MED13L: variants seen among roughly 807,000 people sequenced by gnomAD.
The protein encoded by MED13L is mediator complex subunit 13L, also known as mediator of RNA polymerase II transcription subunit 13-like.
In MED13L, 7 loss-of-function variants were observed where a neutral mutation model predicts 220.9. The observed-to-expected ratio is 0.03, with a 90% CI of 0.02 to 0.06. The LOEUF is 0.06. MED13L is among the 10% of genes least tolerant of loss of function. The pLI, the probability that MED13L is intolerant of heterozygous loss-of-function variation, is 1.00. For synonymous variants in MED13L, 1,011 were observed against 1,015.2 expected, an observed-to-expected ratio of 1.00 and a Z score of 0.08; for missense variants, 1,965 against 2,760.5, an observed-to-expected ratio of 0.71 and a Z score of 6.46.
intron 2 of MED13L, among the ~76,000 whole-genome samples, chr12:116,164,186 C>T (rs571047907): frequency 6.6e-6 from 1 of 152,310 alleles, no homozygotes; most frequent in Admixed American, 6.5e-5. Context: ...CCCATCAGCA[C>T]TATGCACCAA....
At chr12:116,206,584 C>T (rs1201660365) in intron 2 of MED13L, among the ~76,000 whole-genome samples, 1 of 151,886 alleles carries the variant, frequency 6.6e-6, no homozygotes, top group Non-Finnish European at 1.5e-5. Flanking sequence ...ACAAAATTAG[C>T]AAGCCAAAGG....
chr12:116,132,521 A>G (rs1876159380), intron 2 of MED13L, among the ~76,000 whole-genome samples: 1 of 152,086 alleles, frequency 6.6e-6, no homozygotes, highest in Non-Finnish European at 1.5e-5. Flanking sequence ...CAAACTAAGT[A>G]TGCTATTTCC....
intron 2 of MED13L, among the ~76,000 whole-genome samples, chr12:116,188,833 T>C (rs1445768912): frequency 1.3e-5 from 2 of 152,176 alleles, no homozygotes; most frequent in Non-Finnish European, 2.9e-5. Flanking sequence ...TATATAACCT[T>C]TGAGATTTTA....
chr12:116,146,543 T>C (rs957049654), intron 2 of MED13L, among the ~76,000 whole-genome samples: 4 of 152,020 alleles, frequency 2.6e-5, no homozygotes, highest in African/African-American at 9.7e-5. Flanking sequence ...AACCGAAAGA[T>C]TGGACACCCT....
chr12:116,005,729 A>G, intron 13 of MED13L, 140 bp downstream of exon 13: 1 of 1,119,598 alleles, frequency 8.9e-7, no homozygotes, highest in Non-Finnish European at 1.3e-6. Context: ...TCCAGTATAC[A>G]GACATTTATA....
In MED13L at chr12:116,226,852, G is replaced by C. The variant is rs558912013; in HGVS notation, c.310+10616C>G. ...CCACCATACTCCAGCCTGGGCAACA[G>C]AGTGAGACTCCATCTCAAAAAAAAA... On this transcript the variant is annotated intron_variant, in intron 2 of 30. Transcript: ENST00000281928. Among the ~76,000 whole-genome samples the C allele has an allele frequency of 2.0e-3, 281 of 143,104 alleles. 1 individual carries two copies. The highest frequency in any genetic ancestry group is 2.8e-3 in the Non-Finnish European group (184 of 66,312). The allele number at this position is 143,104 out of a possible 152,430, so 93.9% of individuals were successfully genotyped here. A position where few individuals can be genotyped will look rare whatever the true frequency, so the allele number is the denominator to read the frequency against.
chr12:116,119,066 G>A (rs1874780756), intron 2 of MED13L, among the ~76,000 whole-genome samples: 1 of 152,084 alleles, frequency 6.6e-6, no homozygotes, highest in South Asian at 2.1e-4. Flanking sequence ...GAGACATCTG[G>A]CACACTTCTG....
chr12:116,015,096 C>G lies in MED13L; in HGVS notation c.1175+13G>C, dbSNP rs767712157. On this transcript the variant is annotated intron_variant, in intron 8 of 30. Transcript: ENST00000281928. ...TACTAAACTATGATCTAGACATAAT[C>G]GAGAAAACTTACTTGGACTGGGTTC... The G allele has an allele frequency of 6.2e-7, 1 of 1,609,068 alleles. No individual in the cohort carries two copies.
rs916266325 is a variant in MED13L, at chr12:115,959,960, C to T, written c.*1306G>A. ...GTGGCTCCCGGGAGGCCAGTACACA[C>T]CCACTGTCCTCAGACAGAAACACAC... is the stretch of plus-strand genomic sequence containing the variant. On this transcript the variant is annotated 3_prime_UTR_variant, in exon 31 of 31. Transcript: ENST00000281928. 2 of 152,544 alleles carry T rather than the reference C, an allele frequency of 1.3e-5. No individual in the cohort carries two copies. The highest frequency in any genetic ancestry group is 4.8e-5 in the African/African-American group (2 of 41,412). 9.4% of individuals were successfully genotyped at this position (152,544 alleles called of 1,614,324 possible). A position where few individuals can be genotyped will look rare whatever the true frequency, so the allele number is the denominator to read the frequency against.
intron 4 of MED13L, among the ~76,000 whole-genome samples, chr12:116,085,798 G>C (rs2137761966): frequency 6.8e-6 from 1 of 148,034 alleles, no homozygotes; most frequent in East Asian, 2.0e-4. Context: ...ACGACATTAA[G>C]AACAGCAGAA....
At chr12:116,083,286 C>T (rs915441691) in intron 4 of MED13L, among the ~76,000 whole-genome samples, 1 of 151,676 alleles carries the variant, frequency 6.6e-6, no homozygotes, top group African/African-American at 2.4e-5. Flanking sequence ...TGCCTATAAT[C>T]CCAGCTACTC....
At chr12:116,018,836 T>C (rs1476484710) in intron 7 of MED13L, among the ~76,000 whole-genome samples, 2 of 151,044 alleles carry the variant, frequency 1.3e-5, no homozygotes, top group Non-Finnish European at 2.9e-5. Flanking sequence ...TGGCTGACAA[T>C]GGTCACCGGG....
intron 4 of MED13L, among the ~76,000 whole-genome samples, chr12:116,043,125 T>A (rs866366524): frequency 6.6e-6 from 1 of 152,348 alleles, no homozygotes; most frequent in African/African-American, 2.4e-5. Flanking sequence ...GAAGAAGAAC[T>A]GTACCACCTT....
intron 1 of MED13L, among the ~76,000 whole-genome samples, chr12:116,272,883 A>G (rs1873497961): frequency 6.6e-6 from 1 of 152,264 alleles, no homozygotes; most frequent in Non-Finnish European, 1.5e-5. Flanking sequence ...ATTGGAGGTT[A>G]ATATGGCAAC....
chr12:116,183,517 A>G (rs1486532479), intron 2 of MED13L, among the ~76,000 whole-genome samples: 1 of 152,192 alleles, frequency 6.6e-6, no homozygotes, highest in East Asian at 1.9e-4. Flanking sequence ...AAATTTCTGA[A>G]TATCTCCTTA....
chr12:116,275,219 C>T (rs1873712255), intron 1 of MED13L, among the ~76,000 whole-genome samples: 1 of 151,986 alleles, frequency 6.6e-6, no homozygotes, highest in Non-Finnish European at 1.5e-5. Context: ...AATATGTTTG[C>T]TAATCTATGG....
chr12:116,272,311 C>T (rs1479818196), intron 1 of MED13L, among the ~76,000 whole-genome samples: 1 of 152,122 alleles, frequency 6.6e-6, no homozygotes, highest in Non-Finnish European at 1.5e-5. Context: ...GCCTGTAATC[C>T]CAGCACTTTG....
intron 4 of MED13L, among the ~76,000 whole-genome samples, chr12:116,090,521 A>G (rs1166750526): frequency 5.3e-5 from 8 of 152,226 alleles, no homozygotes; most frequent in Admixed American, 5.2e-4. Flanking sequence ...AAAAAAGAAT[A>G]AAAGATATGG....
At chr12:116,174,401 G>C (rs1228506364) in intron 2 of MED13L, 1 of 151,694 alleles carries the variant, frequency 6.6e-6, no homozygotes, top group African/African-American at 2.4e-5. Flanking sequence ...TCATTTAAAT[G>C]ATCAAAACTA....
Sources: gnomAD v4.1 joint callset for allele counts (sites outside exome capture counted in the v4.1 genomes callset) on GRCh38, gnomAD v4.1.1 for gene constraint, MANE v1.5 for transcripts, NCBI Gene and HGNC (gene_info 2026-07-23, HGNC 2026-07-21) for gene names.